Variants in CD2AP observed in about 807,000 individuals in gnomAD.
The protein encoded by CD2AP is CD2 associated protein.
CD2AP carries 46 observed loss-of-function variants against 85.1 expected under a neutral mutation model. That is an observed-to-expected ratio of 0.54 (90% CI 0.43 to 0.69). CD2AP has a LOEUF of 0.69. Among genes scored for constraint, CD2AP ranks in the 30% least tolerant of loss-of-function variants. CD2AP has a pLI of 0.00. For missense variants in CD2AP, 769 were observed against 729.5 expected (o/e 1.05, Z -0.62); for synonymous variants, 255 against 252.9 (o/e 1.01, Z -0.08).
chr6:47,535,808 G>A (rs528371536), intron 3 of CD2AP, among the ~76,000 whole-genome samples: 6 of 152,174 alleles, frequency 3.9e-5, no homozygotes, highest in East Asian at 3.9e-4. Flanking sequence ...TAGGCCCACG[G>A]GAGGTTTTTT....
chr6:47,609,213 A>T lies in CD2AP; in HGVS notation c.1723A>T (p.Thr575Ser). 1.2e-6 allele frequency: 2 copies of T among 1,613,302 alleles called. No individual in the cohort carries two copies. Among genetic ancestry groups the T allele is most frequent in the Non-Finnish European group, 1.7e-6 (2 of 1,179,362 alleles). ...TPLEIKAKVE[T>S]DDVKKNSLDE... is the part of the protein sequence containing the mutation. Reference sequence around the variant, plus strand: ...ATTAGAAATCAAAGCTAAAGTGGAAACAGATGATGTGAAAAAAAATTCCCT... The same window carrying T: ...ATTAGAAATCAAAGCTAAAGTGGAATCAGATGATGTGAAAAAAAATTCCCT... The change falls in exon 16 of 18, where the codon ACA becomes TCA. Residue 575 changes from threonine (T) to serine (S), a missense_variant. By Grantham distance (58) the Thr-to-Ser change is moderately conservative. Transcript: ENST00000359314.
intron 8 of CD2AP, among the ~76,000 whole-genome samples, chr6:47,578,798 A>G (rs1025310238): frequency 6.6e-6 from 1 of 151,662 alleles, no homozygotes; most frequent in Non-Finnish European, 1.5e-5. Flanking sequence ...CTGGGACTAC[A>G]GGCGCCTGTC....
At chr6:47,533,514 T>C in intron 2 of CD2AP, 88 bp from the exon 3 acceptor site, 1 of 1,203,934 alleles carries the variant, frequency 8.3e-7, no homozygotes, top group Non-Finnish European at 1.2e-6. Flanking sequence ...TAGTAATTAC[T>C]GTAGCTATTT....
chr6:47,553,187 A>T (rs190078543), intron 4 of CD2AP, among the ~76,000 whole-genome samples: 439 of 152,242 alleles, frequency 2.9e-3, no homozygotes, highest in African/African-American at 9.5e-3. Flanking sequence ...ACTAACACAT[A>T]TTGGCTGTTA....
At chr6:47,553,591 C>G (rs767323060) in intron 4 of CD2AP, among the ~76,000 whole-genome samples, 18 of 149,116 alleles carry the variant, frequency 1.2e-4, no homozygotes, top group Non-Finnish European at 2.7e-4. Context: ...GTCTCAAACT[C>G]CTGACCTCAG....
chr6:47,604,492 T>C (rs1032632013), intron 13 of CD2AP, among the ~76,000 whole-genome samples: 8 of 152,164 alleles, frequency 5.3e-5, no homozygotes, highest in African/African-American at 1.9e-4. Context: ...TTTTTCTGTT[T>C]CTTTTTCTTT....
chr6:47,513,140 T>A (rs1766362469), intron 2 of CD2AP, among the ~76,000 whole-genome samples: 1 of 104,504 alleles, frequency 9.6e-6, no homozygotes, highest in Admixed American at 9.4e-5. Context: ...TGAATCTGAA[T>A]ACCTTTTTTT....
intron 3 of CD2AP, among the ~76,000 whole-genome samples, chr6:47,538,300 G>A (rs1243932432): frequency 1.3e-5 from 2 of 152,084 alleles, no homozygotes; most frequent in African/African-American, 4.8e-5. Context: ...GGAGTACAGT[G>A]CCATGATCTC....
intron 11 of CD2AP, among the ~76,000 whole-genome samples, chr6:47,593,333 G>A (rs1413803222): frequency 2.0e-5 from 3 of 152,116 alleles, no homozygotes; most frequent in Non-Finnish European, 4.4e-5. Flanking sequence ...AATCTTATGA[G>A]ATTTGCAAGT....
At chr6:47,559,507 G>C (rs957524679) in intron 5 of CD2AP, among the ~76,000 whole-genome samples, 18 of 151,904 alleles carry the variant, frequency 1.2e-4, no homozygotes, top group African/African-American at 4.4e-4. Flanking sequence ...AGCAGTTGAA[G>C]CCTCCCAAAG....
chr6:47,496,285 A>G (rs1251237653), intron 1 of CD2AP, among the ~76,000 whole-genome samples: 2 of 152,082 alleles, frequency 1.3e-5, no homozygotes, highest in African/African-American at 2.4e-5. Context: ...TAAGATACTA[A>G]TCTGCTTCCT....
At position 47,606,372 on chromosome 6, in the gene CD2AP, A is replaced by T. The variant is rs939400742; in HGVS notation, c.1530+95A>T. On this transcript the variant is annotated intron_variant, in intron 14 of 17. Coordinates refer to ENST00000359314, the MANE Select transcript of CD2AP (RefSeq NM_012120.3). ...CTTATAGCTCTACCTAAGTTTGAAA[A>T]TCAGGAGGATAGCTCTTATACTCAA... 1.0e-5 allele frequency: 8 copies of T among 770,896 alleles called. No homozygotes were observed. In the East Asian group the frequency reaches 2.1e-4, roughly 20 times the overall value. 47.8% of individuals were successfully genotyped at this position (770,896 alleles called of 1,614,324 possible). A position where few individuals can be genotyped will look rare whatever the true frequency, so the allele number is the denominator to read the frequency against.
At chr6:47,512,575 T>C (rs1245974675) in intron 2 of CD2AP, among the ~76,000 whole-genome samples, 2 of 152,240 alleles carry the variant, frequency 1.3e-5, no homozygotes, top group Non-Finnish European at 2.9e-5. Flanking sequence ...GTGACAAACT[T>C]ATGCCCATTT....
chr6:47,532,003 G>A (rs1239801507), intron 2 of CD2AP, among the ~76,000 whole-genome samples: 1 of 151,902 alleles, frequency 6.6e-6, no homozygotes, highest in African/African-American at 2.4e-5. Context: ...AACCCAGGAG[G>A]CGGAGGTTGC....
intron 14 of CD2AP, among the ~76,000 whole-genome samples, chr6:47,606,734 T>C (rs1769286877): frequency 6.6e-6 from 1 of 152,134 alleles, no homozygotes; most frequent in African/African-American, 2.4e-5. Flanking sequence ...TGAGATATTT[T>C]GATACAGGCA....
chr6:47,558,671 C>G (rs1767760507), intron 5 of CD2AP, among the ~76,000 whole-genome samples: 1 of 152,168 alleles, frequency 6.6e-6, no homozygotes, highest in African/African-American at 2.4e-5. Flanking sequence ...AGGGATGAAG[C>G]TGACTTGATT....
intron 1 of CD2AP, among the ~76,000 whole-genome samples, chr6:47,492,798 GTTTTTGGTTGCA>G (rs1471676137): frequency 2.2e-4 from 33 of 151,992 alleles, no homozygotes; most frequent in African/African-American, 5.8e-4. Flanking sequence ...TCAAATAACA[GTTTTTGGTTGCA>G]TTATTTTTTT....
rs150599316 is a variant in CD2AP at position 47,529,895 on chromosome 6, C to G, written c.166-3707C>G. ...TATTCTTGAATTTTACCACCCTTAT[C>G]ATCTTTCCCTTCCTTCCATGCTCCA... On this transcript the variant is annotated intron_variant, in intron 2 of 17. Transcript: ENST00000359314. 1.0e-3 allele frequency among the ~76,000 whole-genome samples: 156 copies of G among 152,332 alleles called. 1 individual carries two copies. Among genetic ancestry groups the G allele is most frequent in the Middle Eastern group, 3.4e-3 (1 of 294 alleles).
intron 3 of CD2AP, among the ~76,000 whole-genome samples, chr6:47,543,510 T>C (rs1767286943): frequency 6.6e-6 from 1 of 152,206 alleles, no homozygotes; most frequent in Admixed American, 6.5e-5. Flanking sequence ...TTTTGGACGA[T>C]TAGAAGTCCA....
Sources: gnomAD v4.1 joint callset for allele counts (sites outside exome capture counted in the v4.1 genomes callset) on GRCh38, gnomAD v4.1.1 for gene constraint, MANE v1.5 for transcripts, NCBI Gene and HGNC (gene_info 2026-07-23, HGNC 2026-07-21) for gene names.